SDCCAG8: variants seen among roughly 807,000 people sequenced by gnomAD.
SDCCAG8 encodes SHH signaling and ciliogenesis regulator SDCCAG8.
A neutral mutation model predicts 101.8 loss-of-function variants in SDCCAG8; 74 were observed. The observed-to-expected ratio is 0.73, with a 90% CI of 0.60 to 0.88. The LOEUF is 0.88. SDCCAG8 is among the 40% of genes least tolerant of loss of function. SDCCAG8 has a pLI of 0.00. For synonymous variants in SDCCAG8, 281 were observed against 292.9 expected (o/e 0.96, Z 0.41); for missense variants, 787 against 822.6 (o/e 0.96, Z 0.53).
At chr1:243,371,703 C>T (rs369638130) in intron 12 of SDCCAG8, among the ~76,000 whole-genome samples, 19 of 152,194 alleles carry the variant, frequency 1.2e-4, no homozygotes, top group African/African-American at 4.1e-4. Context: ...CTTATAATAT[C>T]CTTTTGTTCA....
At chr1:243,277,083 G>A (rs1448227037) in intron 4 of SDCCAG8, among the ~76,000 whole-genome samples, 2 of 152,090 alleles carry the variant, frequency 1.3e-5, no homozygotes, top group Non-Finnish European at 2.9e-5. Flanking sequence ...CCAAGTTTTG[G>A]CAATTGCGAA....
intron 15 of SDCCAG8, among the ~76,000 whole-genome samples, chr1:243,423,519 T>C (rs72759873): frequency 0.04 from 6,060 of 152,240 alleles, 184 homozygotes; most frequent in South Asian, 0.12. Flanking sequence ...ATAAGAATTA[T>C]TAGGCTTTTA....
intron 13 of SDCCAG8, among the ~76,000 whole-genome samples, chr1:243,412,230 T>C (rs1454459339): frequency 1.3e-5 from 2 of 152,182 alleles, no homozygotes; most frequent in African/African-American, 2.4e-5. Context: ...CTTGAATGCC[T>C]ACGTGCTTTT....
chr1:243,480,248 T>C (rs1663197741), intron 16 of SDCCAG8, among the ~76,000 whole-genome samples: 1 of 147,784 alleles, frequency 6.8e-6, no homozygotes, highest in Admixed American at 6.8e-5. Flanking sequence ...GGATGTGAAG[T>C]GCTGGCAGCT....
intron 1 of SDCCAG8, among the ~76,000 whole-genome samples, chr1:243,268,703 T>C (rs1298417678): frequency 6.6e-6 from 1 of 152,246 alleles, no homozygotes; most frequent in Non-Finnish European, 1.5e-5. Context: ...TATTAAGTAC[T>C]AACATTGCTT....
rs535432063 is a variant in SDCCAG8 at position 243,308,151 on chromosome 1, T to C, written c.903T>C (p.His301=). The change falls in exon 8 of 18, where the codon CAT becomes CAC. Residue 301 remains histidine (H), a synonymous_variant. Coordinates refer to ENST00000366541, the MANE Select transcript of SDCCAG8 (RefSeq NM_006642.5). ...AVLSQTHTNV[H]MQTIERLVKE... ...TTTCCCAAACCCATACTAATGTTCA[T>C]ATGCAGACCATCGAAAGACTGGTTA... The C allele has an allele frequency of 6.2e-7, 1 of 1,614,198 alleles. No homozygotes were observed. The highest frequency in any genetic ancestry group is 1.3e-5 in the African/African-American group (1 of 75,074).
intron 9 of SDCCAG8, among the ~76,000 whole-genome samples, chr1:243,325,847 T>C (rs2074109075): frequency 6.6e-6 from 1 of 152,230 alleles, no homozygotes. Flanking sequence ...ATATTTTTGT[T>C]TGAAAATGGA....
chr1:243,419,327 A>T (rs1346684239), intron 15 of SDCCAG8, among the ~76,000 whole-genome samples: 1 of 152,200 alleles, frequency 6.6e-6, no homozygotes, highest in African/African-American at 2.4e-5. Context: ...CATGAAAGAG[A>T]CCCATAAAAT....
intron 16 of SDCCAG8, among the ~76,000 whole-genome samples, chr1:243,481,260 G>A (rs1172542749): frequency 6.6e-6 from 1 of 152,112 alleles, no homozygotes; most frequent in East Asian, 1.9e-4. Flanking sequence ...GGGACCAAAG[G>A]GGAGTGAGAG....
intron 16 of SDCCAG8, among the ~76,000 whole-genome samples, chr1:243,475,769 T>G (rs1574269283): frequency 1.3e-5 from 2 of 152,340 alleles, no homozygotes; most frequent in Admixed American, 6.5e-5. Context: ...CTCAAGGTGC[T>G]TTTTGGGCTA....
chr1:243,454,339 C>T (rs547737235), intron 16 of SDCCAG8, among the ~76,000 whole-genome samples: 1 of 152,250 alleles, frequency 6.6e-6, no homozygotes, highest in South Asian at 2.1e-4. Context: ...CATCTGGGAA[C>T]TGATTTCCAC....
At chr1:243,446,000 G>T (rs2082874368) in intron 16 of SDCCAG8, among the ~76,000 whole-genome samples, 1 of 152,208 alleles carries the variant, frequency 6.6e-6, no homozygotes. Flanking sequence ...AGGAAGTAGA[G>T]CACAACTGTT....
chr1:243,290,348 G>A (rs1017908249), intron 5 of SDCCAG8, among the ~76,000 whole-genome samples: 7 of 152,062 alleles, frequency 4.6e-5, no homozygotes, highest in African/African-American at 7.2e-5. Context: ...CAAAATGTCC[G>A]TTAGACTAGC....
chr1:243,277,486 T>C (rs1379260010), intron 4 of SDCCAG8, among the ~76,000 whole-genome samples: 1 of 152,238 alleles, frequency 6.6e-6, no homozygotes. Context: ...ATTTTTAAAA[T>C]CAGGTTATTC....
At chr1:243,415,164 TATGGC>T (rs2080483827) in intron 13 of SDCCAG8, among the ~76,000 whole-genome samples, 1 of 152,180 alleles carries the variant, frequency 6.6e-6, no homozygotes, top group Non-Finnish European at 1.5e-5. Flanking sequence ...ATTCACATTA[TATGGC>T]CTGATGTGTG....
chr1:243,270,488 C>A (rs565510864), intron 2 of SDCCAG8, among the ~76,000 whole-genome samples: 1 of 152,214 alleles, frequency 6.6e-6, no homozygotes, highest in Admixed American at 6.5e-5. Context: ...TAAGATAGCT[C>A]TAACCTGCCT....
In SDCCAG8 at chr1:243,398,757, T is replaced by G. The variant is rs1201826064; in HGVS notation, c.1617-16945T>G. Among the ~76,000 whole-genome samples the G allele has an allele frequency of 2.0e-5, 3 of 152,212 alleles. No homozygotes were observed. In the East Asian group the frequency reaches 5.8e-4, roughly 29 times the overall value. On this transcript the variant is annotated intron_variant, in intron 13 of 17. Transcript: ENST00000366541. The stretch of plus-strand genomic sequence containing the variant: ...AACAATCAGTGTCATCATTTGATAG[T>G]CATATCACAAATTAAATTGTAAACT...
At chr1:243,274,959 T>C (rs2068415624) in intron 4 of SDCCAG8, among the ~76,000 whole-genome samples, 1 of 152,202 alleles carries the variant, frequency 6.6e-6, no homozygotes, top group African/African-American at 2.4e-5. Context: ...GCCCAGCAAA[T>C]GGCAAATGCT....
At chr1:243,381,109 T>C (rs1232353657) in intron 13 of SDCCAG8, among the ~76,000 whole-genome samples, 1 of 152,124 alleles carries the variant, frequency 6.6e-6, no homozygotes, top group African/African-American at 2.4e-5. Context: ...ACTTAAACAC[T>C]TCAAATGGCA....
Sources: allele counts gnomAD v4.1 joint callset (sites outside exome capture counted in the v4.1 genomes callset), GRCh38; gene constraint gnomAD v4.1.1; transcripts MANE v1.5; gene names NCBI Gene and HGNC (gene_info 2026-07-23, HGNC 2026-07-21).